The following ABCB11 variants were observed in gnomAD, a reference collection of about 807,000 sequenced individuals.
ABCB11 encodes bile salt export pump.
ABCB11 carries 95 observed loss-of-function variants against 148.0 expected under a neutral mutation model. The observed-to-expected ratio is 0.64, with a 90% CI of 0.54 to 0.76. The LOEUF (loss-of-function observed/expected upper bound fraction) is 0.76. Among genes scored for constraint, ABCB11 ranks in the 30% least tolerant of loss-of-function variants. ABCB11 has a pLI of 0.00. For synonymous variants in ABCB11, 591 were observed against 555.4 expected (o/e 1.06, Z -0.90); for missense variants, 1,523 against 1,617.8 (o/e 0.94, Z 1.01).
At chr2:168,994,441 G>C (rs561294237) in intron 7 of ABCB11, among the ~76,000 whole-genome samples, 2 of 152,102 alleles carry the variant, frequency 1.3e-5, no homozygotes, top group Non-Finnish European at 2.9e-5. Context: ...TTTGAATACA[G>C]ACTCTTGTTG....
At chr2:168,947,406 T>C (rs1312944677) in intron 19 of ABCB11, among the ~76,000 whole-genome samples, 1 of 151,582 alleles carries the variant, frequency 6.6e-6, no homozygotes, top group Non-Finnish European at 1.5e-5. Context: ...CATTGGCACA[T>C]TTTCCAAGTC....
intron 9 of ABCB11, 74 bp downstream of exon 9, chr2:168,990,727 G>A: frequency 1.3e-6 from 2 of 1,587,638 alleles, no homozygotes; most frequent in Non-Finnish European, 1.7e-6. Context: ...CTGCCGCTTT[G>A]CACAAACTGA....
At chr2:168,975,626 T>TAC (rs1693853718) in intron 12 of ABCB11, among the ~76,000 whole-genome samples, 1 of 86,752 alleles carries the variant, frequency 1.2e-5, no homozygotes, top group Non-Finnish European at 2.4e-5. Flanking sequence ...TATAGATAAA[T>TAC]ATATATTTAC....
intron 1 of ABCB11, among the ~76,000 whole-genome samples, chr2:169,018,592 G>A (rs1224104280): frequency 1.3e-5 from 2 of 152,160 alleles, no homozygotes; most frequent in Non-Finnish European, 2.9e-5. Flanking sequence ...AACCTTCAGT[G>A]TTCCTTTGTA....
intron 19 of ABCB11, among the ~76,000 whole-genome samples, chr2:168,954,233 TTG>T (rs1692688941): frequency 6.8e-6 from 1 of 146,450 alleles, no homozygotes; most frequent in Admixed American, 7.0e-5. Context: ...TCTGTTTTTT[TTG>T]TCTTTGTAGT....
chr2:168,985,392 C>T (rs1694281793), intron 10 of ABCB11, among the ~76,000 whole-genome samples: 1 of 152,140 alleles, frequency 6.6e-6, no homozygotes, highest in African/African-American at 2.4e-5. Context: ...AATCCCACTA[C>T]TGGGTATCTA....
intron 4 of ABCB11, 66 bp downstream of exon 4, chr2:169,014,237 T>TGGGGGG: frequency 3.5e-6 from 5 of 1,440,300 alleles, no homozygotes; most frequent in Non-Finnish European, 4.9e-6. Context: ...GATTTAACAC[T>TGGGGGG]CCCCTCATGA....
At position 168,923,547 on chromosome 2, in the gene ABCB11, G is replaced by A. The variant is rs570742679; in HGVS notation, c.*75C>T. ...AAAAACAATCCCAGCAATCCCTCCT[G>A]CTGGGATTGTTTTTTTCTTTAAAAA... On this transcript the variant is annotated 3_prime_UTR_variant, in exon 28 of 28. Transcript: ENST00000650372. The A allele has an allele frequency of 5.1e-6, 7 of 1,383,566 alleles. No individual in the cohort carries two copies. In the South Asian group the frequency reaches 7.1e-5, roughly 14 times the overall value. 85.7% of individuals were successfully genotyped at this position (1,383,566 alleles called of 1,614,324 possible). A position where few individuals can be genotyped will look rare whatever the true frequency, so the allele number is the denominator to read the frequency against.
chr2:168,962,571 A>G (rs1315223969), intron 18 of ABCB11, among the ~76,000 whole-genome samples: 3 of 151,576 alleles, frequency 2.0e-5, no homozygotes, highest in African/African-American at 4.8e-5. Flanking sequence ...CCTTCTTTCC[A>G]TCCTTTCTTA....
intron 19 of ABCB11, among the ~76,000 whole-genome samples, chr2:168,947,359 T>TTC (rs1692368499): frequency 6.6e-6 from 1 of 150,960 alleles, no homozygotes; most frequent in Non-Finnish European, 1.5e-5. Context: ...TTTTTTTTTT[T>TTC]CCCCAGCATG....
intron 19 of ABCB11, among the ~76,000 whole-genome samples, chr2:168,946,672 T>C (rs1384715044): frequency 6.6e-6 from 1 of 151,830 alleles, no homozygotes; most frequent in Non-Finnish European, 1.5e-5. Flanking sequence ...GGTCACCTTT[T>C]ATAATGATGG....
rs745652542 is a variant in ABCB11 at position 168,973,787 on chromosome 2, T to C, written c.1362A>G (p.Val454=). Residue 454 remains valine, a synonymous_variant, in exon 13 of 28, where the codon GTA becomes GTG. Transcript: ENST00000650372. ...VIKPGEMTAL[V]GPSGAGKSTA... ...TACTTTTTCCAGCTCCACTGGGTCC[T>C]ACCAGAGCTGTCATTTCCCCTGGTT... 1 of 1,612,200 alleles carries C rather than the reference T, an allele frequency of 6.2e-7. No individual in the cohort carries two copies. The highest frequency in any genetic ancestry group is 8.5e-7 in the Non-Finnish European group (1 of 1,178,626).
chr2:168,972,130 ATGGGC>A, intron 13 of ABCB11, 80 bp from the exon 14 acceptor site: 1 of 1,330,058 alleles, frequency 7.5e-7, no homozygotes, highest in Admixed American at 2.0e-5. Flanking sequence ...TACTTGACCA[ATGGGC>A]AGAAAAAATA....
Position 168,922,530 on chromosome 2 carries a change from C to A in ABCB11, c.*1092G>T, listed in dbSNP as rs1485618395. 3.9e-5 allele frequency among the ~76,000 whole-genome samples: 6 copies of A among 152,172 alleles called. No individual in the cohort carries two copies. Among genetic ancestry groups the A allele is most frequent in the Admixed American group, 3.9e-4 (6 of 15,276 alleles). On this transcript the variant is annotated 3_prime_UTR_variant, in exon 28 of 28. Coordinates refer to ENST00000650372, the MANE Select transcript of ABCB11 (RefSeq NM_003742.4). ...TGAAACTTTCTAGGGGTCTGTGGTA[C>A]AAAACAGGATGTTTCTAGGCTCCCC...
chr2:168,958,236 G>T (rs1692889852), intron 18 of ABCB11, 108 bp from the exon 19 acceptor site: 1 of 1,069,974 alleles, frequency 9.3e-7, no homozygotes, highest in Non-Finnish European at 1.4e-6. Flanking sequence ...TTAGTTATGA[G>T]TGACCTCAAA....
chr2:168,969,871 C>T (rs1693494496), intron 15 of ABCB11, among the ~76,000 whole-genome samples, 174 bp downstream of exon 15: 1 of 152,048 alleles, frequency 6.6e-6, no homozygotes, highest in Admixed American at 6.6e-5. Flanking sequence ...TTCTTCTGTT[C>T]AACTGTGAGG....
chr2:168,973,596 A>C, intron 13 of ABCB11, 119 bp downstream of exon 13: 3 of 1,229,750 alleles, frequency 2.4e-6, no homozygotes, highest in Non-Finnish European at 3.4e-6. Context: ...ACAAATCATT[A>C]AGTTAACTAT....
intron 8 of ABCB11, among the ~76,000 whole-genome samples, chr2:168,993,071 G>A (rs549557642): frequency 6.5e-4 from 99 of 152,048 alleles, no homozygotes; most frequent in African/African-American, 2.1e-3. Context: ...TCAATTCCTG[G>A]GGAACCGAGA....
At chr2:169,005,473 T>G (rs781004143) in intron 5 of ABCB11, among the ~76,000 whole-genome samples, 1 of 151,908 alleles carries the variant, frequency 6.6e-6, no homozygotes, top group African/African-American at 2.4e-5. Flanking sequence ...ACTAGGGAAG[T>G]GGGGGAAAGC....
Sources: allele counts gnomAD v4.1 joint callset (sites outside exome capture counted in the v4.1 genomes callset), GRCh38; gene constraint gnomAD v4.1.1; transcripts MANE v1.5; gene names NCBI Gene and HGNC (gene_info 2026-07-23, HGNC 2026-07-21).